SORBS2: variants seen among roughly 807,000 people sequenced by gnomAD.
SORBS2 encodes sorbin and SH3 domain containing 2.
In SORBS2, 46 loss-of-function variants were observed where a neutral mutation model predicts 97.7. The observed-to-expected ratio is 0.47, with a 90% CI of 0.37 to 0.60. The LOEUF (loss-of-function observed/expected upper bound fraction) is 0.60, where lower values mean the gene tolerates loss of function less well. Among genes scored for constraint, SORBS2 ranks in the 20% least tolerant of loss-of-function variants. The pLI is 0.00. For synonymous variants in SORBS2, 476 were observed against 473.4 expected (o/e 1.01, Z -0.07); for missense variants, 1,316 against 1,282.3 (o/e 1.03, Z -0.40).
chr4:185,586,594 A>G (rs1392857800), exon 15 of SORBS2: 2 of 152,760 alleles, frequency 1.3e-5, no homozygotes, highest in Non-Finnish European at 2.9e-5. Flanking sequence ...GTGAGATTCT[A>G]TTACATTTCC....
At chr4:185,619,342 T>C (rs2153417186) in intron 8 of SORBS2, among the ~76,000 whole-genome samples, 2 of 152,304 alleles carry the variant, frequency 1.3e-5, no homozygotes, top group South Asian at 4.1e-4. Context: ...CTTCACTCCA[T>C]TCTTTTCCCC....
At chr4:185,911,488 G>T (rs2099255045) in intron 1 of SORBS2, among the ~76,000 whole-genome samples, 1 of 152,028 alleles carries the variant, frequency 6.6e-6, no homozygotes, top group Non-Finnish European at 1.5e-5. Context: ...GCCTCTCAAA[G>T]TCCTGGGATT....
At chr4:185,810,597 G>A (rs1467438417) in intron 1 of SORBS2, among the ~76,000 whole-genome samples, 1 of 152,120 alleles carries the variant, frequency 6.6e-6, no homozygotes, top group Non-Finnish European at 1.5e-5. Flanking sequence ...AACAACCAAA[G>A]AACTGACTTG....
At chr4:185,890,322 C>T (rs184732283) in intron 1 of SORBS2, among the ~76,000 whole-genome samples, 11 of 152,310 alleles carry the variant, frequency 7.2e-5, no homozygotes, top group Middle Eastern at 6.8e-3. Flanking sequence ...CTTTACAGTA[C>T]AGAAGTCACC....
intron 5 of SORBS2, 91 bp downstream of exon 8, chr4:185,662,013 C>A (rs2097529887): frequency 1.4e-6 from 2 of 1,444,332 alleles, no homozygotes; most frequent in Non-Finnish European, 1.9e-6. Flanking sequence ...CTGAGCGCTC[C>A]CGCCTCACCT....
At chr4:185,707,754 C>G (rs1434164972) in intron 2 of SORBS2, among the ~76,000 whole-genome samples, 2 of 152,118 alleles carry the variant, frequency 1.3e-5, no homozygotes, top group East Asian at 1.9e-4. Context: ...TCTTACATGA[C>G]AGCAGGCAAG....
chr4:185,661,176 T>C (rs966605840), upstream of SORBS2, among the ~76,000 whole-genome samples: 6 of 150,826 alleles, frequency 4.0e-5, no homozygotes, highest in Non-Finnish European at 8.8e-5. Context: ...CTCAGGAGGC[T>C]GAGGCAGGAG....
intron 9 of SORBS2, among the ~76,000 whole-genome samples, chr4:185,617,094 T>G (rs953655216): frequency 6.6e-6 from 1 of 152,218 alleles, no homozygotes; most frequent in East Asian, 1.9e-4. Flanking sequence ...GAGCCTTGGG[T>G]GGACACCCTT....
chr4:185,731,864 CTCTATATATATATATATA>C (rs1180692074), intron 2 of SORBS2, among the ~76,000 whole-genome samples: 113 of 29,014 alleles, frequency 3.9e-3, no homozygotes, highest in African/African-American at 0.011. Context: ...CTCTCTCTCT[CTCTATATATATATATATA>C]TATATATATA....
chr4:185,826,033 T>C lies in SORBS2; in HGVS notation c.-337-50667A>G, dbSNP rs570387450. 8.5e-5 allele frequency among the ~76,000 whole-genome samples: 13 copies of C among 152,296 alleles called. No homozygotes were observed. The South Asian group carries it at 2.7e-3, about 32-fold the overall frequency. ...CTGAAAGCATTTAAAGTCCATGGCT[T>C]ACCAAGCCAAACAAGAACTCCATTC... On this transcript the variant is annotated intron_variant, in intron 1 of 20. Transcript: ENST00000284776.
chr4:185,678,336 A>C, intron 4 of SORBS2, 87 bp downstream of exon 7: 1 of 1,106,110 alleles, frequency 9.0e-7, no homozygotes. Context: ...AACGTATTGA[A>C]ATACGCACAT....
chr4:185,912,740 C>T (rs1254138275), intron 1 of SORBS2, among the ~76,000 whole-genome samples: 1 of 152,028 alleles, frequency 6.6e-6, no homozygotes, highest in Non-Finnish European at 1.5e-5. Context: ...TTTCACCATG[C>T]TAATTATAAA....
chr4:185,848,567 T>A (rs6833174), intron 1 of SORBS2, among the ~76,000 whole-genome samples: 1 of 150,356 alleles, frequency 6.7e-6, no homozygotes, highest in African/African-American at 2.5e-5. Context: ...TCTAGTATTC[T>A]AGTGGTTCAG....
At chr4:185,718,185 C>T (rs533670655) in intron 2 of SORBS2, among the ~76,000 whole-genome samples, 1 of 151,746 alleles carries the variant, frequency 6.6e-6, no homozygotes, top group African/African-American at 2.4e-5. Context: ...AAGCCAAGAT[C>T]GCGCCATTGC....
intron 1 of SORBS2, among the ~76,000 whole-genome samples, chr4:185,888,155 T>G (rs1171980829): frequency 2.0e-5 from 3 of 152,122 alleles, no homozygotes; most frequent in Non-Finnish European, 4.4e-5. Flanking sequence ...TATCATACTC[T>G]GTAAAATGCT....
At chr4:185,740,742 CCAGCACCAGCT>C (rs2098718288) in intron 2 of SORBS2, among the ~76,000 whole-genome samples, 1 of 152,080 alleles carries the variant, frequency 6.6e-6, no homozygotes, top group African/African-American at 2.4e-5. Flanking sequence ...CTAACTCAGC[CCAGCACCAGCT>C]CAGCCCAACG....
chr4:185,864,598 C>T (rs1297521745), intron 1 of SORBS2, among the ~76,000 whole-genome samples: 1 of 152,120 alleles, frequency 6.6e-6, no homozygotes, highest in Non-Finnish European at 1.5e-5. Context: ...TAAGAGAAAA[C>T]GCCTTGGTAA....
chr4:185,748,460 C>A (rs962950190), intron 2 of SORBS2, among the ~76,000 whole-genome samples: 34 of 152,156 alleles, frequency 2.2e-4, no homozygotes, highest in Admixed American at 1.6e-3. Context: ...GTAAGGCGAG[C>A]TGGGAAGTAG....
intron 2 of SORBS2, among the ~76,000 whole-genome samples, chr4:185,724,675 T>A (rs779450755): frequency 2.1e-4 from 32 of 152,094 alleles, no homozygotes; most frequent in Non-Finnish European, 4.0e-4. Context: ...CCATTCTCCT[T>A]TTTCACTCTC....
Sources: gnomAD v4.1 joint callset for allele counts (sites outside exome capture counted in the v4.1 genomes callset) on GRCh38, gnomAD v4.1.1 for gene constraint, MANE v1.5 for transcripts, NCBI Gene and HGNC (gene_info 2026-07-23, HGNC 2026-07-21) for gene names.